The following CBLB variants were observed in gnomAD, a reference collection of about 807,000 sequenced individuals.
CBLB encodes E3 ubiquitin-protein ligase CBL-B.
In CBLB, 31 loss-of-function variants were observed where a neutral mutation model predicts 104.9. The ratio of observed to expected loss-of-function variants is 0.30; its 90% CI spans 0.22 to 0.40. The LOEUF (loss-of-function observed/expected upper bound fraction) is 0.40, where lower values mean the gene tolerates loss of function less well. Ranked by LOEUF, CBLB falls within the 10% of genes least tolerant of loss-of-function variation. CBLB has a pLI of 1.00. For synonymous variants in CBLB, 440 were observed against 422.6 expected (o/e 1.04, Z -0.51); for missense variants, 1,062 against 1,214.6 (o/e 0.87, Z 1.87).
At chr3:105,706,332 T>A (rs1457222882) in intron 10 of CBLB, among the ~76,000 whole-genome samples, 1 of 152,206 alleles carries the variant, frequency 6.6e-6, no homozygotes, top group Non-Finnish European at 1.5e-5. Context: ...TTTTTAAAAA[T>A]TAATGATTCT....
Position 105,702,474 on chromosome 3 carries a change from G to GACAAAA in CBLB, c.1594-16_1594-15insTTTTGT. ...CAAGGAGAAGACTAAAGAAACAGAA[G>GACAAAA]AGAAAAAAAAAAAAAAAAAAAAAAA... On this transcript the variant is annotated splice_polypyrimidine_tract_variant and intron_variant, in intron 11 of 18. Transcript: ENST00000394030. 2 of 165,548 alleles carry GACAAAA rather than the reference G, an allele frequency of 1.2e-5. No individual in the cohort carries two copies. Among genetic ancestry groups the GACAAAA allele is most frequent in the Non-Finnish European group, 1.9e-5 (2 of 105,740 alleles). 10.3% of individuals were successfully genotyped at this position (165,548 alleles called of 1,614,324 possible). A position where few individuals can be genotyped will look rare whatever the true frequency, so the allele number is the denominator to read the frequency against.
intron 3 of CBLB, among the ~76,000 whole-genome samples, chr3:105,841,619 A>AT (rs1045941686): frequency 1.3e-5 from 2 of 151,434 alleles, no homozygotes; most frequent in Admixed American, 1.3e-4. Context: ...CGCCCAGCTA[A>AT]TTTTTTTGTA....
At chr3:105,729,685 T>G (rs2074095154) in intron 9 of CBLB, among the ~76,000 whole-genome samples, 1 of 152,000 alleles carries the variant, frequency 6.6e-6, no homozygotes, top group South Asian at 2.1e-4. Flanking sequence ...ATAATTTTGT[T>G]CTTCTTACTG....
rs1437031991 is a variant in CBLB, at chr3:105,704,013, C to A, written c.1568G>T (p.Cys523Phe). 1.2e-6 allele frequency: 2 copies of A among 1,614,132 alleles called. No homozygotes were observed. Among genetic ancestry groups the A allele is most frequent in the South Asian group, 1.1e-5 (1 of 91,084 alleles). The change falls in exon 11 of 19, where the codon TGT becomes TTT. Residue 523 changes from cysteine to phenylalanine, a missense_variant. Transcript: ENST00000394030. ...LIQKGIVRSP[C>F]GSPTGSPKSS... The stretch of plus-strand genomic sequence containing the variant: ...CTTTGGTGAACCCGTTGGGCTGCCA[C>A]AGGGAGATCTAACTATGCCTTTCTG...
chr3:105,753,646 G>A (rs575439362), intron 4 of CBLB, among the ~76,000 whole-genome samples: 2 of 152,126 alleles, frequency 1.3e-5, no homozygotes, highest in African/African-American at 4.8e-5. Context: ...AAGCATTTTT[G>A]TTTCGTATAT....
intron 9 of CBLB, among the ~76,000 whole-genome samples, chr3:105,722,198 CAAAAAAAAAAA>C (rs5851468): frequency 4.7e-5 from 4 of 84,422 alleles, no homozygotes; most frequent in African/African-American, 1.4e-4. Flanking sequence ...GACCCCGTGC[CAAAAAAAAAAA>C]AAAAAAAAAG....
intron 3 of CBLB, among the ~76,000 whole-genome samples, chr3:105,820,929 A>C (rs1232514700): frequency 6.6e-6 from 1 of 152,150 alleles, no homozygotes. Flanking sequence ...AAAACTAAAA[A>C]TTCAACATTT....
intron 3 of CBLB, among the ~76,000 whole-genome samples, chr3:105,794,161 C>T (rs1015294270): frequency 2.0e-5 from 3 of 152,144 alleles, no homozygotes; most frequent in Non-Finnish European, 4.4e-5. Context: ...CATCAAATTA[C>T]TTAACAGTAA....
chr3:105,817,774 G>A (rs962296867), intron 3 of CBLB, among the ~76,000 whole-genome samples: 29 of 152,132 alleles, frequency 1.9e-4, no homozygotes, highest in Non-Finnish European at 3.4e-4. Context: ...AGTGACTACT[G>A]TAAGTTTTCA....
At chr3:105,671,701 C>T (rs1477800802) in intron 17 of CBLB, 5 of 204,068 alleles carry the variant, frequency 2.5e-5, no homozygotes, top group African/African-American at 9.1e-5. Context: ...TAATGTAAGG[C>T]AGGATTTGAA....
chr3:105,806,395 C>T (rs2083494002), intron 3 of CBLB, among the ~76,000 whole-genome samples: 1 of 146,246 alleles, frequency 6.8e-6, no homozygotes, highest in Non-Finnish European at 1.5e-5. Flanking sequence ...TGTCTATATT[C>T]TCAAATATTC....
At chr3:105,687,361 G>A (rs771180905) in intron 13 of CBLB, among the ~76,000 whole-genome samples, 16 of 152,130 alleles carry the variant, frequency 1.1e-4, no homozygotes, top group Non-Finnish European at 1.8e-4. Flanking sequence ...ATACGTTGTG[G>A]CTAATTTGAT....
intron 3 of CBLB, among the ~76,000 whole-genome samples, chr3:105,777,446 G>A (rs554699399): frequency 6.6e-6 from 1 of 152,084 alleles, no homozygotes; most frequent in Admixed American, 6.6e-5. Flanking sequence ...GACCAGCCTC[G>A]GCAACATGGC....
At chr3:105,759,668 G>A (rs2077424962) in intron 4 of CBLB, among the ~76,000 whole-genome samples, 1 of 152,248 alleles carries the variant, frequency 6.6e-6, no homozygotes, top group Admixed American at 6.5e-5. Flanking sequence ...CTTGGCCACA[G>A]CTTTGCTCCA....
At chr3:105,833,489 C>T (rs1188943689) in intron 3 of CBLB, among the ~76,000 whole-genome samples, 1 of 151,946 alleles carries the variant, frequency 6.6e-6, no homozygotes, top group Non-Finnish European at 1.5e-5. Flanking sequence ...TTTTTTTTTA[C>T]AACTCATTTG....
rs552958034 is a variant in CBLB at position 105,833,886 on chromosome 3, A to G, written c.419+19528T>C. On this transcript the variant is annotated intron_variant, in intron 3 of 18. Coordinates refer to ENST00000394030, the MANE Select transcript of CBLB (RefSeq NM_170662.5). ...ATCCTAAGGGAATTAGAACCTGATA[A>G]TTAAGTAAAACCTTTCGTTTTAAAA... Among the ~76,000 whole-genome samples the G allele has an allele frequency of 1.5e-4, 23 of 152,200 alleles. No homozygotes were observed. In the South Asian group the frequency reaches 4.8e-3, roughly 32 times the overall value.
chr3:105,702,300 C>G lies in CBLB; in HGVS notation c.1753G>C (p.Asp585His). Residue 585 changes from aspartate (D) to histidine (H), a missense_variant, in exon 12 of 19, where the codon GAC becomes CAC. Transcript: ENST00000394030. ...CATGCTTCAAGAGGCATTGGCGGGTCTCTGGAAGGCACGCTTTCCACATGA... is the reference window on the plus strand; with the variant it reads ...CATGCTTCAAGAGGCATTGGCGGGTGTCTGGAAGGCACGCTTTCCACATGA... ...IHHVESVPSRDPPMPLEAWCP... is the reference protein window; with the variant it reads ...IHHVESVPSRHPPMPLEAWCP... 6.2e-7 allele frequency: 1 copy of G among 1,613,814 alleles called. No individual in the cohort carries two copies. The highest frequency in any genetic ancestry group is 8.5e-7 in the Non-Finnish European group (1 of 1,179,944).
chr3:105,782,934 A>T (rs538685804), intron 3 of CBLB, among the ~76,000 whole-genome samples: 49 of 152,324 alleles, frequency 3.2e-4, no homozygotes, highest in African/African-American at 1.2e-3. Flanking sequence ...GCTATCCCTC[A>T]AAATAAGGAT....
chr3:105,869,052 CGGGGCGGGGCG>C, upstream of CBLB: 23 of 287,280 alleles, frequency 8.0e-5, no homozygotes, highest in Non-Finnish European at 1.5e-4. Flanking sequence ...AGGCTCGGGG[CGGGGCGGGGCG>C]GGGGCGGGGC....
Sources: allele counts gnomAD v4.1 joint callset (sites outside exome capture counted in the v4.1 genomes callset), GRCh38; gene constraint gnomAD v4.1.1; transcripts MANE v1.5; gene names NCBI Gene and HGNC (gene_info 2026-07-23, HGNC 2026-07-21).